ALDH16A1: variants seen among roughly 807,000 people sequenced by gnomAD.
ALDH16A1 encodes the protein aldehyde dehydrogenase 16 family member A1.
Under a neutral mutation model 96.1 loss-of-function variants are expected in ALDH16A1, and 88 were observed. The ratio of observed to expected loss-of-function variants is 0.92; its 90% CI spans 0.77 to 1.09. The LOEUF (loss-of-function observed/expected upper bound fraction) is 1.09. Ranked by LOEUF, ALDH16A1 falls within the 50% of genes least tolerant of loss-of-function variation. ALDH16A1 has a pLI of 0.00. For synonymous variants in ALDH16A1, 522 were observed against 496.4 expected, an observed-to-expected ratio of 1.05 and a Z score of -0.69; for missense variants, 1,250 against 1,112.6, an observed-to-expected ratio of 1.12 and a Z score of -1.76.
chr19:49,463,999 G>A, intron 9 of ALDH16A1, 50 bp downstream of exon 9: 1 of 1,582,850 alleles, frequency 6.3e-7, no homozygotes, highest in Non-Finnish European at 8.6e-7. Context: ...GCCAAGGGCA[G>A]CAGCTCTGTG....
rs756904892 is a variant in ALDH16A1 at position 49,466,200 on chromosome 19, G to C, written c.1855G>C (p.Ala619Pro). 1.3e-6 allele frequency: 2 copies of C among 1,541,186 alleles called. No homozygotes were observed. The highest frequency in any genetic ancestry group is 1.7e-6 in the Non-Finnish European group (2 of 1,145,204). The change falls in exon 14 of 17, where the codon GCT (alanine) becomes CCT (proline). Residue 619 changes from alanine to proline, a missense_variant. Transcript: ENST00000293350. ...GGAGAGGCAGGGAGCGGAGCTCAAG[G>C]CTGCGGAGGCGGAGGTGGAGCTGAG... ...RLERQGAELK[A>P]AEAEVELSAR...
intron 1 of ALDH16A1, 146 bp downstream of exon 1, chr19:49,453,567 C>T: frequency 2.7e-6 from 2 of 750,200 alleles, no homozygotes; most frequent in East Asian, 2.7e-5. Flanking sequence ...AATAGGATCG[C>T]GCCCTGTAGG....
At position 49,461,871 on chromosome 19, in the gene ALDH16A1, G is replaced by C. The variant is rs770040429; in HGVS notation, c.760-13G>C. Reference sequence around the variant, plus strand: ...AAGGCTCCTCCTGCGGCTGAACTGGGGGGGGTCCCTAGGAAGGGCGTGCCC... The same window carrying C: ...AAGGCTCCTCCTGCGGCTGAACTGGCGGGGGTCCCTAGGAAGGGCGTGCCC... On this transcript the variant is annotated splice_polypyrimidine_tract_variant and intron_variant, in intron 6 of 16. Transcript: ENST00000293350. 1.3e-6 allele frequency: 2 copies of C among 1,590,222 alleles called. No individual in the cohort carries two copies. Among genetic ancestry groups the C allele is most frequent in the African/African-American group, 2.8e-5 (2 of 72,410 alleles).
intron 1 of ALDH16A1, among the ~76,000 whole-genome samples, chr19:49,456,291 A>C (rs189982204): frequency 5.8e-4 from 88 of 152,272 alleles, no homozygotes; most frequent in African/African-American, 2.0e-3. Context: ...ATTTTCCTAT[A>C]AATATTTGAA....
At position 49,468,610 on chromosome 19, in the gene ALDH16A1, G is replaced by T; in HGVS notation, c.2124+44G>T. On this transcript the variant is annotated intron_variant, in intron 15 of 16. Coordinates refer to ENST00000293350, the MANE Select transcript of ALDH16A1 (RefSeq NM_153329.4). This position sits in a 1 kb window ranked among gnomAD's most constrained non-coding sequence, Gnocchi z 4.4. The stretch of plus-strand genomic sequence containing the variant: ...CTGCCTCTCCTCCCCGTAGCCTCAG[G>T]GCAGCAGAAAAAGGCGCCCCAAAGT... 6.3e-7 allele frequency: 1 copy of T among 1,585,076 alleles called. No individual in the cohort carries two copies. The highest frequency in any genetic ancestry group is 1.1e-5 in the South Asian group (1 of 90,218).
At chr19:49,460,750 T>A in intron 4 of ALDH16A1, 72 bp from the exon 5 acceptor site, 2 of 1,273,154 alleles carry the variant, frequency 1.6e-6, no homozygotes, top group Non-Finnish European at 2.2e-6. Context: ...CCATGGGGTC[T>A]TGCCATGTGG....
intron 7 of ALDH16A1, 59 bp downstream of exon 7, chr19:49,462,095 G>C: frequency 2.7e-6 from 4 of 1,466,568 alleles, no homozygotes; most frequent in Non-Finnish European, 3.6e-6. Flanking sequence ...TCTGTCTCCA[G>C]TCTTCGGGGT....
At chr19:49,458,415 G>C in intron 1 of ALDH16A1, 71 bp from the exon 2 acceptor site, 5 of 1,198,488 alleles carry the variant, frequency 4.2e-6, no homozygotes, top group Middle Eastern at 1.9e-4. Flanking sequence ...CCTCCTAGAG[G>C]ATTCTGGGTA....
rs1555798467 is a variant in ALDH16A1 at position 49,453,226 on chromosome 19, GC to G, written c.-102del. On this transcript the variant is annotated 5_prime_UTR_variant, in exon 1 of 17. Coordinates refer to ENST00000293350, the MANE Select transcript of ALDH16A1 (RefSeq NM_153329.4). ...TTGTAGCCCCACCCCATTCCCATTA[GC>G]CCCGCCCCTTTGGGCTGGAACCGGA... 1.2e-6 allele frequency: 1 copy of G among 834,106 alleles called. No individual in the cohort carries two copies. Among genetic ancestry groups the G allele is most frequent in the Non-Finnish European group, 1.8e-6 (1 of 561,278 alleles). 51.7% of individuals were successfully genotyped at this position (834,106 alleles called of 1,614,324 possible).
rs779164253 is a variant in ALDH16A1, at chr19:49,459,884, A to G, written c.499+36A>G. The G allele has an allele frequency of 1.8e-5, 28 of 1,590,550 alleles. No homozygotes were observed. The highest frequency in any genetic ancestry group is 2.2e-5 in the Non-Finnish European group (26 of 1,170,262). ...GGAGTCCCTAGCCCTATCCTCCCACATGACTCAGCAGTGCTAGCTCCAGTC... is the reference window on the plus strand; with the variant it reads ...GGAGTCCCTAGCCCTATCCTCCCACGTGACTCAGCAGTGCTAGCTCCAGTC... On this transcript the variant is annotated intron_variant, in intron 4 of 16. Coordinates refer to ENST00000293350, the MANE Select transcript of ALDH16A1 (RefSeq NM_153329.4). The surrounding 1 kb of genome is among the most constrained non-coding windows in gnomAD (Gnocchi z 4.1).
rs779777993 is a variant in ALDH16A1, at chr19:49,458,508, G to C, written c.113G>C (p.Arg38Pro). The change falls in exon 2 of 17, where the codon CGG becomes CCG. Residue 38 changes from arginine to proline, a missense_variant. Coordinates refer to ENST00000293350, the MANE Select transcript of ALDH16A1 (RefSeq NM_153329.4). ...CALAWLDTQD[R>P]CLGHYVNGKW... Reference sequence around the variant, plus strand: ...CAGGCCTGGCTGGACACCCAGGACCGGTGCTTGGGCCACTATGTGAATGGG... The same window carrying C: ...CAGGCCTGGCTGGACACCCAGGACCCGTGCTTGGGCCACTATGTGAATGGG... 2.6e-6 allele frequency: 4 copies of C among 1,564,710 alleles called. No individual in the cohort carries two copies. Among genetic ancestry groups the C allele is most frequent in the South Asian group, 1.2e-5 (1 of 85,316 alleles).
At chr19:49,458,396 C>A in intron 1 of ALDH16A1, 90 bp from the exon 2 acceptor site, 2 of 976,852 alleles carry the variant, frequency 2.0e-6, no homozygotes, top group Non-Finnish European at 3.2e-6. Flanking sequence ...CAGAGGGAGA[C>A]AGACGTCCCC....
intron 1 of ALDH16A1, 185 bp downstream of exon 1, chr19:49,453,606 C>T (rs1175428759): frequency 1.8e-6 from 1 of 567,346 alleles, no homozygotes; most frequent in Non-Finnish European, 3.1e-6. Flanking sequence ...GCGGTGGCAG[C>T]CTTTTAGTCT....
rs1272513539 is a variant in ALDH16A1 at position 49,465,680 on chromosome 19, A to G, written c.1569-58A>G. Reference sequence around the variant, plus strand: ...GGCAGTCTTCCCAGTGCGGTAGAGCATAGGGTCTGAGCAGATTGAGGCCCC... The same window carrying G: ...GGCAGTCTTCCCAGTGCGGTAGAGCGTAGGGTCTGAGCAGATTGAGGCCCC... On this transcript the variant is annotated intron_variant, in intron 12 of 16. Transcript: ENST00000293350. The G allele has an allele frequency of 3.9e-6, 6 of 1,544,846 alleles. No individual in the cohort carries two copies. The African/African-American group carries it at 5.5e-5, about 14-fold the overall frequency.
Position 49,462,004 on chromosome 19 carries a change from G to A in ALDH16A1, c.880G>A (p.Val294Ile). 4 of 1,545,342 alleles carry A rather than the reference G, an allele frequency of 2.6e-6. No individual in the cohort carries two copies. Among genetic ancestry groups the A allele is most frequent in the Non-Finnish European group, 3.5e-6 (4 of 1,149,190 alleles). The change falls in exon 7 of 17, where the codon GTC (valine) becomes ATC (isoleucine). Residue 294 changes from valine to isoleucine, a missense_variant. Physicochemically the swap from Val to Ile is conservative, Grantham distance 29. Transcript: ENST00000293350. ...TADVDSAVEG[V>I]VDAAWSDRGP... Reference sequence around the variant, plus strand: ...GGACGTAGACTCGGCCGTGGAGGGTGTCGTGGACGCCGCCTGGTCCGACCG... The same window carrying A: ...GGACGTAGACTCGGCCGTGGAGGGTATCGTGGACGCCGCCTGGTCCGACCG...
chr19:49,465,284 C>T (rs1364124157), intron 12 of ALDH16A1, among the ~76,000 whole-genome samples: 2 of 142,922 alleles, frequency 1.4e-5, no homozygotes, highest in Non-Finnish European at 3.0e-5. Flanking sequence ...CTCATGGGAA[C>T]AGGAATTTGG....
chr19:49,465,719 A>G lies in ALDH16A1; in HGVS notation c.1569-19A>G. 1.2e-6 allele frequency: 2 copies of G among 1,604,478 alleles called. No individual in the cohort carries two copies. Among genetic ancestry groups the G allele is most frequent in the Non-Finnish European group, 1.7e-6 (2 of 1,174,188 alleles). ...GATTGAGGCCCCAGGACTCCTCCTC[A>G]TGTCCCACCCTACTCCAGCCCAGCA... On this transcript the variant is annotated intron_variant, in intron 12 of 16. Coordinates refer to ENST00000293350, the MANE Select transcript of ALDH16A1 (RefSeq NM_153329.4).
In ALDH16A1 at chr19:49,456,251, G is replaced by A. The variant is rs569392957; in HGVS notation, c.91-2235G>A. On this transcript the variant is annotated intron_variant, in intron 1 of 16. Coordinates refer to ENST00000293350, the MANE Select transcript of ALDH16A1 (RefSeq NM_153329.4). ...TGTTTCCTTCTGTATTTTCTTTGGA[G>A]TAATTTAAACAAATCCTGGATGTCA... Among the ~76,000 whole-genome samples the A allele has an allele frequency of 6.6e-5, 10 of 152,292 alleles. No homozygotes were observed. In the South Asian group the frequency reaches 1.9e-3, roughly 28 times the overall value.
At chr19:49,458,266 A>G (rs942995089) in intron 1 of ALDH16A1, among the ~76,000 whole-genome samples, 1 of 152,188 alleles carries the variant, frequency 6.6e-6, no homozygotes, top group Non-Finnish European at 1.5e-5. Flanking sequence ...GGTGATGGTT[A>G]CACAACACTG....
Sources: gnomAD v4.1 joint callset for allele counts (sites outside exome capture counted in the v4.1 genomes callset) on GRCh38, gnomAD v4.1.1 for gene constraint, Gnocchi (gnomAD v3.1) non-coding constraint, MANE v1.5 for transcripts, NCBI Gene and HGNC (gene_info 2026-07-23, HGNC 2026-07-21) for gene names.